Variants in ARNT observed in about 807,000 individuals in gnomAD.
The protein encoded by ARNT is aryl hydrocarbon receptor nuclear translocator.
A neutral mutation model predicts 105.0 loss-of-function variants in ARNT; 30 were observed. The ratio of observed to expected loss-of-function variants is 0.29; its 90% confidence interval spans 0.21 to 0.39. The LOEUF (loss-of-function observed/expected upper bound fraction) is 0.39, where lower values mean the gene tolerates loss of function less well. ARNT is among the 10% of genes least tolerant of loss of function. ARNT has a pLI of 1.00. For missense variants in ARNT, 748 were observed against 978.7 expected (o/e 0.76, Z 3.15); for synonymous variants, 304 against 344.0 (o/e 0.88, Z 1.29).
intron 1 of ARNT, among the ~76,000 whole-genome samples, chr1:150,862,202 AAAT>A (rs1422456181): frequency 6.6e-6 from 1 of 152,296 alleles, no homozygotes; most frequent in African/African-American, 2.4e-5. Context: ...TCACTATTAT[AAAT>A]AATGTTTCAA....
chr1:150,853,278 T>A, intron 2 of ARNT: 1 of 373,992 alleles, frequency 2.7e-6, no homozygotes, highest in Middle Eastern at 3.7e-4. Context: ...CAAGACTCCA[T>A]CTCAAAAAAA....
intron 1 of ARNT, among the ~76,000 whole-genome samples, chr1:150,860,269 G>T (rs1665394386): frequency 7.3e-6 from 1 of 136,814 alleles, no homozygotes; most frequent in South Asian, 2.4e-4. Context: ...AGGCTGGAGT[G>T]CAGTGGCGCA....
At chr1:150,869,769 TCTCCAA>T (rs1320485642) in intron 1 of ARNT, among the ~76,000 whole-genome samples, 1 of 151,918 alleles carries the variant, frequency 6.6e-6, no homozygotes, top group African/African-American at 2.4e-5. Flanking sequence ...CTCAGGCTGG[TCTCCAA>T]CTCCTGGGCT....
rs1349292667 is a variant in ARNT, at chr1:150,876,578, G to A, written c.-11C>T. 1.3e-6 allele frequency: 2 copies of A among 1,518,138 alleles called. No homozygotes were observed. Among genetic ancestry groups the A allele is most frequent in the South Asian group, 1.2e-5 (1 of 82,644 alleles). 94.0% of individuals were successfully genotyped at this position (1,518,138 alleles called of 1,614,324 possible). On this transcript the variant is annotated 5_prime_UTR_variant, in exon 1 of 22. Coordinates refer to ENST00000358595, the MANE Select transcript of ARNT (RefSeq NM_001668.4). The stretch of plus-strand genomic sequence containing the variant: ...AGTAGTCGCCGCCATGGCCGCAGAT[G>A]CCACCGCCGCCGCGCCACCCCCCCC...
chr1:150,820,683 C>CA (rs1656869886), intron 14 of ARNT, among the ~76,000 whole-genome samples: 2 of 146,704 alleles, frequency 1.4e-5, no homozygotes, highest in Admixed American at 7.0e-5. Flanking sequence ...CAAAACAAAA[C>CA]AAAAAAACCT....
chr1:150,809,728 T>C lies in ARNT; in HGVS notation c.*2293A>G, dbSNP rs1295012212. On this transcript the variant is annotated 3_prime_UTR_variant, in exon 22 of 22. Coordinates refer to ENST00000358595, the MANE Select transcript of ARNT (RefSeq NM_001668.4). ...ACTTGAACAGTTTAAATTTCACTCATTTTAATCCAGAAAAGGACATACTGG... is the reference window on the plus strand; with the variant it reads ...ACTTGAACAGTTTAAATTTCACTCACTTTAATCCAGAAAAGGACATACTGG... 4.9e-6 allele frequency: 1 copy of C among 204,674 alleles called. No homozygotes were observed. Among genetic ancestry groups the C allele is most frequent in the African/African-American group, 2.3e-5 (1 of 43,582 alleles). 12.7% of individuals were successfully genotyped at this position (204,674 alleles called of 1,614,324 possible). A position where few individuals can be genotyped will look rare whatever the true frequency, so the allele number is the denominator to read the frequency against.
chr1:150,858,939 C>T (rs1354062584), intron 1 of ARNT, among the ~76,000 whole-genome samples: 2 of 151,908 alleles, frequency 1.3e-5, no homozygotes, highest in Middle Eastern at 3.4e-3. Flanking sequence ...TGAATTCTTA[C>T]ACTGGTACAA....
chr1:150,829,547 A>G (rs1050454267), intron 11 of ARNT: 1 of 586,190 alleles, frequency 1.7e-6, no homozygotes, highest in Admixed American at 2.3e-5. Context: ...ACTTATCTAT[A>G]CTTATGAAAA....
chr1:150,851,373 T>C (rs1382695524), intron 3 of ARNT, among the ~76,000 whole-genome samples: 2 of 152,280 alleles, frequency 1.3e-5, no homozygotes, highest in Middle Eastern at 3.4e-3. Context: ...CAACAGCTCA[T>C]TGAGAACGGG....
At position 150,851,150 on chromosome 1, in the gene ARNT, G is replaced by A. The variant is rs999101444; in HGVS notation, c.182+1612C>T. ...CCGGCAGCCGCCCCGTCCGGGAGGTGGGGGGCAGCCCCCGCCTGGCCAGCC... is the reference window on the plus strand; with the variant it reads ...CCGGCAGCCGCCCCGTCCGGGAGGTAGGGGGCAGCCCCCGCCTGGCCAGCC... On this transcript the variant is annotated intron_variant, in intron 3 of 21. Coordinates refer to ENST00000358595, the MANE Select transcript of ARNT (RefSeq NM_001668.4). Among the ~76,000 whole-genome samples the A allele has an allele frequency of 2.6e-5, 4 of 151,066 alleles. No individual in the cohort carries two copies. The East Asian group carries it at 5.9e-4, about 22-fold the overall frequency.
At chr1:150,814,264 TAGAACAA>T (rs761850849) in intron 19 of ARNT, 25 bp from the exon 20 acceptor site, 3 of 1,610,392 alleles carry the variant, frequency 1.9e-6, no homozygotes. Context: ...AGAGGGGATA[TAGAACAA>T]ATACAGCATT....
intron 1 of ARNT, among the ~76,000 whole-genome samples, chr1:150,862,092 A>G (rs1665741519): frequency 6.6e-6 from 1 of 152,194 alleles, no homozygotes; most frequent in Admixed American, 6.5e-5. Context: ...CTTCCACGTA[A>G]CAATATATTG....
intron 14 of ARNT, 66 bp from the exon 15 acceptor site, chr1:150,818,096 G>C (rs929308770): frequency 2.6e-6 from 3 of 1,132,174 alleles, no homozygotes; most frequent in Non-Finnish European, 2.6e-6. Context: ...GAGAGAGAAA[G>C]AGAAGAATAA....
intron 9 of ARNT, 100 bp downstream of exon 9, chr1:150,832,234 G>A: frequency 8.0e-7 from 1 of 1,256,572 alleles, no homozygotes; most frequent in Non-Finnish European, 1.2e-6. Context: ...GGATGCAAGT[G>A]AGAGCTGCTG....
intron 1 of ARNT, among the ~76,000 whole-genome samples, chr1:150,862,657 C>T (rs1665836921): frequency 7.4e-6 from 1 of 134,786 alleles, no homozygotes; most frequent in South Asian, 2.4e-4. Context: ...ATGAGGATTG[C>T]TTGAGCTCAG....
intron 14 of ARNT, among the ~76,000 whole-genome samples, chr1:150,820,047 CA>C (rs2101657091): frequency 6.6e-6 from 1 of 152,208 alleles, no homozygotes; most frequent in African/African-American, 2.4e-5. Flanking sequence ...GAAAACTGAC[CA>C]AATCAGGCCC....
intron 1 of ARNT, among the ~76,000 whole-genome samples, chr1:150,866,882 G>A (rs1308439235): frequency 2.0e-5 from 3 of 152,154 alleles, no homozygotes; most frequent in Non-Finnish European, 2.9e-5. Flanking sequence ...AAATACTGGT[G>A]AGTACATACA....
At chr1:150,839,246 C>T (rs753550666) in intron 6 of ARNT, among the ~76,000 whole-genome samples, 195 bp downstream of exon 6, 1 of 152,182 alleles carries the variant, frequency 6.6e-6, no homozygotes, top group African/African-American at 2.4e-5. Context: ...TACTTATTAG[C>T]TTATTAAATA....
intron 1 of ARNT, among the ~76,000 whole-genome samples, chr1:150,864,376 T>C (rs919955999): frequency 3.3e-5 from 5 of 151,884 alleles, no homozygotes; most frequent in Non-Finnish European, 7.4e-5. Context: ...TGTCCAACAA[T>C]GATAGACTGG....
Sources: allele counts gnomAD v4.1 joint callset (sites outside exome capture counted in the v4.1 genomes callset), GRCh38; gene constraint gnomAD v4.1.1; transcripts MANE v1.5; gene names NCBI Gene and HGNC (gene_info 2026-07-23, HGNC 2026-07-21).